Variants in ZFYVE27 observed in about 807,000 individuals in gnomAD.
ZFYVE27 encodes protrudin.
ZFYVE27 carries 36 observed loss-of-function variants against 52.8 expected under a neutral mutation model. The observed-to-expected ratio is 0.68, with a 90% confidence interval of 0.52 to 0.90. The LOEUF (loss-of-function observed/expected upper bound fraction) is 0.90, where lower values mean the gene tolerates loss of function less well. Among genes scored for constraint, ZFYVE27 ranks in the 40% least tolerant of loss-of-function variants. ZFYVE27 has a pLI of 0.00. For synonymous variants in ZFYVE27, 223 were observed against 215.6 expected, an observed-to-expected ratio of 1.03 and a Z score of -0.30; for missense variants, 450 against 527.2, an observed-to-expected ratio of 0.85 and a Z score of 1.43.
At chr10:97,746,366 A>C (rs1403982954) in intron 4 of ZFYVE27, among the ~76,000 whole-genome samples, 1 of 152,168 alleles carries the variant, frequency 6.6e-6, no homozygotes, top group African/African-American at 2.4e-5. Context: ...TTTTAAACTT[A>C]AAGAAGTACA....
rs185909790 is a variant in ZFYVE27, at chr10:97,749,540, C to G, written c.618C>G (p.Thr206=). 9.3e-6 allele frequency: 15 copies of G among 1,614,180 alleles called. No homozygotes were observed. Among genetic ancestry groups the G allele is most frequent in the Non-Finnish European group, 1.1e-5 (13 of 1,180,032 alleles). The change falls in exon 6 of 13, where the codon ACC becomes ACG. Residue 206 remains threonine, a synonymous_variant. Transcript: ENST00000684270. ...TGCTGCCACTCTGCTGGGTTCTCAC[C>G]CTTTTAAACAGCACGCTCTTTCTGG... ...LYLLPLCWVL[T]LLNSTLFLGN... is the part of the protein sequence containing the mutation.
chr10:97,749,473 G>C lies in ZFYVE27; in HGVS notation c.552-1G>C. On this transcript the variant is annotated splice_acceptor_variant, in intron 5 of 12. Transcript: ENST00000684270. LOFTEE classifies it high-confidence loss of function. Reference sequence around the variant, plus strand: ...TCTTGTGGTTCTTCCCTGTCATCCAGGTTCTATGGGGCTCTTCTGGGCACA... The same window carrying C: ...TCTTGTGGTTCTTCCCTGTCATCCACGTTCTATGGGGCTCTTCTGGGCACA... The C allele has an allele frequency of 6.2e-7, 1 of 1,613,300 alleles. No individual in the cohort carries two copies. Among genetic ancestry groups the C allele is most frequent in the Non-Finnish European group, 8.5e-7 (1 of 1,179,264 alleles).
Position 97,759,670 on chromosome 10 carries a change from C to T in ZFYVE27, c.*370C>T. The T allele has an allele frequency of 3.0e-6, 1 of 330,706 alleles. No individual in the cohort carries two copies. The highest frequency in any genetic ancestry group is 6.6e-5 in the East Asian group (1 of 15,246). The allele number at this position is 330,706 out of a possible 1,614,324, so 20.5% of individuals were successfully genotyped here. On this transcript the variant is annotated 3_prime_UTR_variant, in exon 13 of 13. Coordinates refer to ENST00000684270, the MANE Select transcript of ZFYVE27 (RefSeq NM_001385875.1). ...GAAGATCAGGGTCAGTGTGGCTGTG[C>T]CTGGGAATTCCAGACCTGAGGTTGG...
rs200310895 is a variant in ZFYVE27, at chr10:97,751,456, G to A, written c.870G>A (p.Ala290=). ...EAEPDEEFKD[A]IEETHLVVLE... ...AGCCAGATGAAGAGTTTAAAGATGCGATTGAGGTGGGTGGCCCTTCCCCAG... is the reference window on the plus strand; with the variant it reads ...AGCCAGATGAAGAGTTTAAAGATGCAATTGAGGTGGGTGGCCCTTCCCCAG... Residue 290 remains alanine (A), a synonymous_variant, in exon 8 of 13, where the codon GCG becomes GCA. Coordinates refer to ENST00000684270, the MANE Select transcript of ZFYVE27 (RefSeq NM_001385875.1). The A allele has an allele frequency of 1.7e-5, 27 of 1,613,794 alleles. No homozygotes were observed. Among genetic ancestry groups the A allele is most frequent in the South Asian group, 4.4e-5 (4 of 91,062 alleles).
chr10:97,750,886 A>G (rs2136209098), intron 7 of ZFYVE27, among the ~76,000 whole-genome samples: 1 of 152,098 alleles, frequency 6.6e-6, no homozygotes, highest in Non-Finnish European at 1.5e-5. Context: ...GACTGCAGGC[A>G]GGTGCCACCA....
chr10:97,739,349 G>T (rs1186174164), intron 2 of ZFYVE27, among the ~76,000 whole-genome samples: 2 of 152,026 alleles, frequency 1.3e-5, no homozygotes, highest in African/African-American at 4.8e-5. Flanking sequence ...GATTACAGGT[G>T]TGAGCCACTG....
chr10:97,747,656 G>A (rs1272911548), intron 4 of ZFYVE27, among the ~76,000 whole-genome samples: 2 of 152,080 alleles, frequency 1.3e-5, no homozygotes, highest in East Asian at 1.9e-4. Flanking sequence ...GTTGGCTCTT[G>A]TTTGCATTGG....
At position 97,752,896 on chromosome 10, in the gene ZFYVE27, G is replaced by A. The variant is rs182925118; in HGVS notation, c.897+19G>A. On this transcript the variant is annotated intron_variant, in intron 9 of 12. Coordinates refer to ENST00000684270, the MANE Select transcript of ZFYVE27 (RefSeq NM_001385875.1). ...GGTGCTGGTAAGTGGAAGCCTTGGT[G>A]GGTGGGCAGGGGCTGGGCTGGGGAG... is the stretch of plus-strand genomic sequence containing the variant. The A allele has an allele frequency of 6.6e-4, 1,059 of 1,613,878 alleles. 5 individuals are homozygous for A. In the African/African-American group the frequency reaches 0.011, roughly 17 times the overall value.
chr10:97,759,088 CT>C, intron 12 of ZFYVE27, 147 bp from the exon 13 acceptor site: 1 of 801,252 alleles, frequency 1.2e-6, no homozygotes, highest in Non-Finnish European at 2.1e-6. Context: ...AAAGAAGAAT[CT>C]CTGCGGGCAG....
At chr10:97,743,874 C>T (rs1031723830) in intron 3 of ZFYVE27, among the ~76,000 whole-genome samples, 3 of 152,146 alleles carry the variant, frequency 2.0e-5, no homozygotes, top group African/African-American at 7.2e-5. Context: ...GGCAGATGGC[C>T]ACATAAAAAG....
chr10:97,738,163 C>G (rs1421311787), intron 1 of ZFYVE27, among the ~76,000 whole-genome samples: 1 of 152,148 alleles, frequency 6.6e-6, no homozygotes, highest in African/African-American at 2.4e-5. Context: ...GATGTTTAAG[C>G]TGATACCTGA....
At chr10:97,747,414 A>G (rs777522522) in intron 4 of ZFYVE27, among the ~76,000 whole-genome samples, 3 of 152,322 alleles carry the variant, frequency 2.0e-5, no homozygotes, top group Non-Finnish European at 4.4e-5. Context: ...TTAAAAATCC[A>G]TTGATGGGTC....
rs746739713 is a variant in ZFYVE27, at chr10:97,748,264, T to C, written c.456-5T>C. The C allele has an allele frequency of 6.2e-7, 1 of 1,613,914 alleles. No homozygotes were observed. The highest frequency in any genetic ancestry group is 1.1e-5 in the South Asian group (1 of 91,084). ...GCCCACTCACCAAAGCCCCTGTGTCTGTAGCTTGATCCAGCTGGAGGCCTT... is the reference window on the plus strand; with the variant it reads ...GCCCACTCACCAAAGCCCCTGTGTCCGTAGCTTGATCCAGCTGGAGGCCTT... On this transcript the variant is annotated splice_polypyrimidine_tract_variant and splice_region_variant and intron_variant, in intron 4 of 12. Transcript: ENST00000684270.
At chr10:97,744,611 AG>A in intron 3 of ZFYVE27, 117 bp from the exon 4 acceptor site, 2 of 1,198,370 alleles carry the variant, frequency 1.7e-6, no homozygotes, top group African/African-American at 1.5e-5. Context: ...CAGAGCTATC[AG>A]GGAAGGCCTG....
At chr10:97,754,103 C>T (rs1195810669) in intron 10 of ZFYVE27, among the ~76,000 whole-genome samples, 1 of 151,934 alleles carries the variant, frequency 6.6e-6, no homozygotes, top group African/African-American at 2.4e-5. Flanking sequence ...GGTAAGGGGG[C>T]AGTACTGTGT....
chr10:97,746,013 T>TTATATATATATACACATATATATA, intron 4 of ZFYVE27, among the ~76,000 whole-genome samples: 1 of 146,708 alleles, frequency 6.8e-6, no homozygotes, highest in South Asian at 2.1e-4. Context: ...TGAAATAGTT[T>TTATATATATATACACATATATATA]TATATATATA....
intron 10 of ZFYVE27, chr10:97,754,719 T>TA (rs2047915397): frequency 1.6e-6 from 2 of 1,289,412 alleles, no homozygotes; most frequent in South Asian, 1.2e-5. Flanking sequence ...ATTTCATCCT[T>TA]ACCGTAGGTG....
intron 3 of ZFYVE27, 68 bp from the exon 4 acceptor site, chr10:97,744,661 G>T: frequency 1.3e-6 from 2 of 1,583,222 alleles, no homozygotes; most frequent in South Asian, 2.3e-5. Context: ...ACAAGCAGTG[G>T]GCGTCTGGGT....
chr10:97,751,304 C>G (rs913924468), intron 7 of ZFYVE27, 87 bp from the exon 8 acceptor site: 1 of 1,473,262 alleles, frequency 6.8e-7, no homozygotes. Flanking sequence ...TTTGGGTAGC[C>G]TGGATGCTGG....
Sources: allele counts gnomAD v4.1 joint callset (sites outside exome capture counted in the v4.1 genomes callset), GRCh38; gene constraint gnomAD v4.1.1; transcripts MANE v1.5; gene names NCBI Gene and HGNC (gene_info 2026-07-23, HGNC 2026-07-21).